The following SDCCAG8 variants were observed in gnomAD, a reference collection of about 807,000 sequenced individuals.
SDCCAG8 encodes the protein SHH signaling and ciliogenesis regulator SDCCAG8, also known as serologically defined colon cancer antigen 8.
SDCCAG8 carries 74 observed loss-of-function variants against 101.8 expected under a neutral mutation model. The ratio of observed to expected loss-of-function variants is 0.73; its 90% CI spans 0.60 to 0.88. The LOEUF (loss-of-function observed/expected upper bound fraction) is 0.88, where lower values mean the gene tolerates loss of function less well. SDCCAG8 is among the 40% of genes least tolerant of loss of function. SDCCAG8 has a pLI of 0.00. For missense variants in SDCCAG8, 787 were observed against 822.6 expected, an observed-to-expected ratio of 0.96 and a Z score of 0.53; for synonymous variants, 281 against 292.9, an observed-to-expected ratio of 0.96 and a Z score of 0.41.
At chr1:243,493,992 C>T (rs538598183) in intron 17 of SDCCAG8, among the ~76,000 whole-genome samples, 36 of 152,204 alleles carry the variant, frequency 2.4e-4, no homozygotes, top group Admixed American at 1.4e-3. Context: ...CATGTTAGGC[C>T]TTGGAGGTGT....
chr1:243,488,935 C>G, intron 16 of SDCCAG8, 79 bp from the exon 17 acceptor site: 6 of 1,605,400 alleles, frequency 3.7e-6, no homozygotes, highest in Non-Finnish European at 5.1e-6. Flanking sequence ...CAGGGGCTTC[C>G]CTCAGATACA....
chr1:243,374,212 A>G (rs2077463948), intron 12 of SDCCAG8, among the ~76,000 whole-genome samples: 1 of 152,084 alleles, frequency 6.6e-6, no homozygotes, highest in South Asian at 2.1e-4. Context: ...TGGAAAATAT[A>G]AGAAAATGAG....
At chr1:243,489,886 T>G (rs2148272138) in intron 17 of SDCCAG8, among the ~76,000 whole-genome samples, 1 of 152,248 alleles carries the variant, frequency 6.6e-6, no homozygotes, top group Middle Eastern at 3.4e-3. Context: ...CCCGGTGAAT[T>G]TGGAACACAG....
chr1:243,482,930 G>A (rs1664038087), intron 16 of SDCCAG8, among the ~76,000 whole-genome samples: 1 of 152,200 alleles, frequency 6.6e-6, no homozygotes, highest in Non-Finnish European at 1.5e-5. Flanking sequence ...GGCGTGTGTG[G>A]TTCGCAGGCT....
chr1:243,281,654 T>TC (rs2069060960), intron 4 of SDCCAG8, among the ~76,000 whole-genome samples: 1 of 149,518 alleles, frequency 6.7e-6, no homozygotes, highest in South Asian at 2.1e-4. Flanking sequence ...CTCTGGCTTT[T>TC]TTTTTTTTTT....
At chr1:243,292,738 T>A (rs1432306937) in intron 5 of SDCCAG8, among the ~76,000 whole-genome samples, 2 of 152,210 alleles carry the variant, frequency 1.3e-5, no homozygotes, top group Non-Finnish European at 1.5e-5. Context: ...AAATTATTAT[T>A]AGCCATGCAT....
At chr1:243,350,853 G>T (rs1255143650) in intron 12 of SDCCAG8, among the ~76,000 whole-genome samples, 2 of 152,266 alleles carry the variant, frequency 1.3e-5, no homozygotes, top group African/African-American at 2.4e-5. Context: ...TGAAGACCCA[G>T]CTCATGGACC....
At chr1:243,283,774 T>C (rs2069306255) in intron 4 of SDCCAG8, among the ~76,000 whole-genome samples, 1 of 152,180 alleles carries the variant, frequency 6.6e-6, no homozygotes, top group South Asian at 2.1e-4. Context: ...GGAGTCTCAC[T>C]CTGTTGCCCA....
intron 10 of SDCCAG8, among the ~76,000 whole-genome samples, chr1:243,336,274 C>T (rs1367097024): frequency 6.6e-6 from 1 of 152,218 alleles, no homozygotes; most frequent in Non-Finnish European, 1.5e-5. Flanking sequence ...GTCCTTTTCT[C>T]TGCATGGTCT....
At chr1:243,459,558 T>C (rs1658613838) in intron 16 of SDCCAG8, among the ~76,000 whole-genome samples, 1 of 152,144 alleles carries the variant, frequency 6.6e-6, no homozygotes, top group South Asian at 2.1e-4. Context: ...AAACACAACC[T>C]TTTGGAAGAG....
chr1:243,257,251 C>G (rs541390285), intron 1 of SDCCAG8, among the ~76,000 whole-genome samples: 1 of 152,262 alleles, frequency 6.6e-6, no homozygotes, highest in South Asian at 2.1e-4. Context: ...ATGTAATAAA[C>G]TCTGCTTTCT....
At chr1:243,488,447 C>CT in intron 16 of SDCCAG8, 3 of 162,108 alleles carry the variant, frequency 1.9e-5, no homozygotes, top group South Asian at 1.7e-4. Context: ...CTGTAGGAAG[C>CT]CGACTGTGGA....
intron 15 of SDCCAG8, among the ~76,000 whole-genome samples, chr1:243,423,821 G>A (rs1319948406): frequency 6.6e-6 from 1 of 152,024 alleles, no homozygotes; most frequent in African/African-American, 2.4e-5. Context: ...TAATATCTGG[G>A]CTTGACTACT....
At chr1:243,381,071 G>T (rs146129889) in intron 13 of SDCCAG8, among the ~76,000 whole-genome samples, 2 of 136,982 alleles carry the variant, frequency 1.5e-5, no homozygotes. Flanking sequence ...TAACTCCCAC[G>T]CAGATAACAC....
chr1:243,370,049 C>T (rs1348500784), intron 12 of SDCCAG8, among the ~76,000 whole-genome samples: 1 of 152,050 alleles, frequency 6.6e-6, no homozygotes, highest in Non-Finnish European at 1.5e-5. Flanking sequence ...TGCAATGCAT[C>T]GTTTGAAAAA....
At chr1:243,402,253 C>A (rs2079448823) in intron 13 of SDCCAG8, among the ~76,000 whole-genome samples, 1 of 151,946 alleles carries the variant, frequency 6.6e-6, no homozygotes, top group East Asian at 1.9e-4. Flanking sequence ...CATCGGGAAA[C>A]CTTGTCTCAA....
chr1:243,297,049 C>T (rs1227906804), intron 6 of SDCCAG8, among the ~76,000 whole-genome samples: 1 of 152,136 alleles, frequency 6.6e-6, no homozygotes, highest in Non-Finnish European at 1.5e-5. Context: ...GTGATTATCA[C>T]CACTTTATGC....
intron 12 of SDCCAG8, among the ~76,000 whole-genome samples, chr1:243,365,430 C>T (rs1010691306): frequency 6.6e-6 from 1 of 152,030 alleles, no homozygotes; most frequent in Non-Finnish European, 1.5e-5. Context: ...TACTGTACAT[C>T]GAAGTCTTGG....
At chr1:243,413,913 G>A (rs529882808) in intron 13 of SDCCAG8, among the ~76,000 whole-genome samples, 5 of 152,046 alleles carry the variant, frequency 3.3e-5, no homozygotes, top group Admixed American at 6.6e-5. Context: ...GCCTCCTCTC[G>A]TAAGACTTAA....
Sources: allele counts gnomAD v4.1 joint callset (sites outside exome capture counted in the v4.1 genomes callset), GRCh38; gene constraint gnomAD v4.1.1; transcripts MANE v1.5; gene names NCBI Gene and HGNC (gene_info 2026-07-23, HGNC 2026-07-21).